The following IL34 variants were observed in gnomAD, a reference collection of about 807,000 sequenced individuals.
IL34 encodes the protein interleukin-34.
IL34 carries 17 observed loss-of-function variants against 25.3 expected under a neutral mutation model. That is an observed-to-expected ratio of 0.67 (90% CI 0.46 to 1.01). The LOEUF is 1.01. Among genes scored for constraint, IL34 ranks in the 50% least tolerant of loss-of-function variants. The pLI is 0.00. For missense variants in IL34, 368 were observed against 312.9 expected (o/e 1.18, Z -1.33); for synonymous variants, 174 against 140.9 (o/e 1.23, Z -1.66).
chr16:70,634,314 C>T (rs769387191), intron 1 of IL34, among the ~76,000 whole-genome samples: 12 of 152,080 alleles, frequency 7.9e-5, no homozygotes, highest in Non-Finnish European at 1.5e-5. Context: ...CAGCACTGTT[C>T]AACCCAGTAC....
intron 1 of IL34, among the ~76,000 whole-genome samples, chr16:70,638,774 G>C (rs761152643): frequency 6.6e-6 from 1 of 152,038 alleles, no homozygotes; most frequent in Non-Finnish European, 1.5e-5. Flanking sequence ...TAGAGATTAG[G>C]TCTCTCTATG....
At chr16:70,595,113 C>T (rs2050803581) in intron 1 of IL34, among the ~76,000 whole-genome samples, 1 of 152,006 alleles carries the variant, frequency 6.6e-6, no homozygotes, top group Non-Finnish European at 1.5e-5. Flanking sequence ...CGCCACCACA[C>T]CCAACTAATT....
intron 1 of IL34, among the ~76,000 whole-genome samples, chr16:70,582,208 C>T (rs1246218086): frequency 6.6e-6 from 1 of 152,264 alleles, no homozygotes; most frequent in Non-Finnish European, 1.5e-5. Flanking sequence ...CCAAGGATGG[C>T]AGGTGGAGCA....
intron 1 of IL34, among the ~76,000 whole-genome samples, chr16:70,594,540 A>G (rs2050794742): frequency 1.3e-5 from 2 of 152,156 alleles, no homozygotes; most frequent in African/African-American, 2.4e-5. Flanking sequence ...CCTGGTTCTT[A>G]TGGGTCCTTC....
chr16:70,621,372 A>T (rs1296580431), intron 1 of IL34, among the ~76,000 whole-genome samples: 2 of 152,162 alleles, frequency 1.3e-5, no homozygotes, highest in East Asian at 3.9e-4. Flanking sequence ...AAGGAATTGA[A>T]ATTAAGAGAA....
At chr16:70,612,346 TG>T (rs1187466754) in intron 1 of IL34, among the ~76,000 whole-genome samples, 6 of 146,790 alleles carry the variant, frequency 4.1e-5, no homozygotes, top group Non-Finnish European at 9.1e-5. Context: ...TAGGGGGATC[TG>T]CTGGTGAATG....
At chr16:70,624,593 TTGA>T (rs1376628873) in intron 1 of IL34, among the ~76,000 whole-genome samples, 1 of 152,136 alleles carries the variant, frequency 6.6e-6, no homozygotes, top group Non-Finnish European at 1.5e-5. Flanking sequence ...ATTTTTATAT[TTGA>T]TGAAAAAGAG....
chr16:70,614,623 A>G (rs890714874), intron 1 of IL34, among the ~76,000 whole-genome samples: 4 of 152,114 alleles, frequency 2.6e-5, no homozygotes, highest in Non-Finnish European at 4.4e-5. Flanking sequence ...CAATTTCATG[A>G]TGTTGTTTGT....
At chr16:70,644,595 C>T (rs779043023), upstream of IL34, among the ~76,000 whole-genome samples, 1 of 151,598 alleles carries the variant, frequency 6.6e-6, no homozygotes, top group Non-Finnish European at 1.5e-5. Flanking sequence ...TAAATTAGCC[C>T]TCAATAAACC....
chr16:70,599,317 T>TTC (rs1491380126), intron 1 of IL34, among the ~76,000 whole-genome samples: 1 of 78,660 alleles, frequency 1.3e-5, no homozygotes, highest in South Asian at 7.0e-4. Context: ...TCTTTCTTTC[T>TTC]TTTCTTTCTT....
intron 1 of IL34, 169 bp from the exon 2 acceptor site, chr16:70,654,369 A>T: frequency 1.2e-6 from 1 of 846,630 alleles, no homozygotes; most frequent in Non-Finnish European, 1.8e-6. Context: ...GCTGTTCTGG[A>T]GCCAGACCCC....
At chr16:70,590,538 GA>G (rs1474036769) in intron 1 of IL34, among the ~76,000 whole-genome samples, 1 of 152,194 alleles carries the variant, frequency 6.6e-6, no homozygotes, top group African/African-American at 2.4e-5. Flanking sequence ...GGGTCAGAGG[GA>G]GGGGGCAGCC....
chr16:70,583,878 C>T (rs558952272), intron 1 of IL34, among the ~76,000 whole-genome samples: 191 of 152,298 alleles, frequency 1.3e-3, no homozygotes, highest in African/African-American at 4.4e-3. Context: ...TCTCAAACTC[C>T]TGATCTCAAG....
Position 70,659,766 on chromosome 16 carries a change from CAG to C in IL34, c.538+14_538+15del. Reference sequence around the variant, plus strand: ...TACTGCTCCTGCTGTAAGGAGCTCTCAGGGGATGGCGCCTGGGGGTGGGAGGC... The same window carrying C: ...TACTGCTCCTGCTGTAAGGAGCTCTCGGGATGGCGCCTGGGGGTGGGAGGC... On this transcript the variant is annotated intron_variant, in intron 5 of 5. Transcript: ENST00000288098. 6.3e-7 allele frequency: 1 copy of C among 1,586,130 alleles called. No homozygotes were observed. The highest frequency in any genetic ancestry group is 8.6e-7 in the Non-Finnish European group (1 of 1,161,748).
chr16:70,652,069 AGT>A (rs1445247755), intron 1 of IL34, among the ~76,000 whole-genome samples: 11 of 152,074 alleles, frequency 7.2e-5, no homozygotes, highest in African/African-American at 2.7e-4. Context: ...CGGAGGTTGC[AGT>A]GAGCCAAGAT....
intron 1 of IL34, among the ~76,000 whole-genome samples, chr16:70,649,955 C>T (rs1413487878): frequency 4.6e-5 from 7 of 152,212 alleles, no homozygotes; most frequent in South Asian, 2.1e-4. Flanking sequence ...CCTGCCACTG[C>T]GCCTGGCTAA....
intron 1 of IL34, among the ~76,000 whole-genome samples, chr16:70,601,964 A>T (rs2050924776): frequency 6.6e-6 from 1 of 152,226 alleles, no homozygotes; most frequent in Admixed American, 6.5e-5. Flanking sequence ...GCTTTTGAGG[A>T]GGTAAAGATG....
intron 1 of IL34, among the ~76,000 whole-genome samples, chr16:70,587,330 C>T (rs943264234): frequency 1.3e-5 from 2 of 151,998 alleles, no homozygotes; most frequent in African/African-American, 4.8e-5. Context: ...AGTGCAGTGG[C>T]ACAATCTGAG....
intron 1 of IL34, among the ~76,000 whole-genome samples, chr16:70,617,219 G>A (rs1032236760): frequency 3.3e-5 from 5 of 152,140 alleles, no homozygotes; most frequent in South Asian, 2.1e-4. Flanking sequence ...GAGAAAAACC[G>A]GTATAAAAGG....
Sources: allele counts gnomAD v4.1 joint callset (sites outside exome capture counted in the v4.1 genomes callset), GRCh38; gene constraint gnomAD v4.1.1; transcripts MANE v1.5; gene names NCBI Gene and HGNC (gene_info 2026-07-23, HGNC 2026-07-21).